Variants in AJAP1 observed in about 807,000 individuals in gnomAD.
The protein encoded by AJAP1 is adherens junctions associated protein 1.
AJAP1 carries 5 observed loss-of-function variants against 35.0 expected under a neutral mutation model. That is an observed-to-expected ratio of 0.14 (90% CI 0.07 to 0.30). AJAP1 has a LOEUF of 0.30. Ranked by LOEUF, AJAP1 falls within the 10% of genes least tolerant of loss-of-function variation. The pLI, the probability that AJAP1 is intolerant of heterozygous loss-of-function variation, is 1.00. For missense variants in AJAP1, 586 were observed against 571.0 expected (o/e 1.03, Z -0.27); for synonymous variants, 284 against 249.3 (o/e 1.14, Z -1.31).
At chr1:4,750,918 C>T (rs1359060053) in intron 2 of AJAP1, among the ~76,000 whole-genome samples, 1 of 149,800 alleles carries the variant, frequency 6.7e-6, no homozygotes, top group Non-Finnish European at 1.5e-5. Context: ...GACCTCCAAT[C>T]CCCTGACCTG....
rs1318754619 is a variant in AJAP1, at chr1:4,734,701, A to G, written c.829+22002A>G. ...GAGTGGCACCTGTGGGCGATGCTGA[A>G]TATGATGCATGATCTGTCTTTCGGG... is the stretch of plus-strand genomic sequence containing the variant. On this transcript the variant is annotated intron_variant, in intron 2 of 5. Coordinates refer to ENST00000378191, the MANE Select transcript of AJAP1 (RefSeq NM_018836.4). This position sits in a 1 kb window ranked among gnomAD's most constrained non-coding sequence, Gnocchi z 4.3. Among the ~76,000 whole-genome samples, 1 of 152,158 alleles carries G rather than the reference A, an allele frequency of 6.6e-6. No individual in the cohort carries two copies. The highest frequency in any genetic ancestry group is 1.5e-5 in the Non-Finnish European group (1 of 68,020).
rs866249572 is a variant in AJAP1 at position 4,712,749 on chromosome 1, G to A, written c.829+50G>A. On this transcript the variant is annotated intron_variant, in intron 2 of 5. Coordinates refer to ENST00000378191, the MANE Select transcript of AJAP1 (RefSeq NM_018836.4). ...GGGTTTGCTTGGGGTTGAGGGCTGG[G>A]AGCGTGACTCGGGAGAGATGCTTAG... 2.0e-5 allele frequency: 29 copies of A among 1,481,740 alleles called. No individual in the cohort carries two copies. The Middle Eastern group carries it at 2.1e-3, about 109-fold the overall frequency. The allele number at this position is 1,481,740 out of a possible 1,614,324, so 91.8% of individuals were successfully genotyped here.
chr1:4,718,581 C>T (rs539440791), intron 2 of AJAP1, among the ~76,000 whole-genome samples: 6 of 151,886 alleles, frequency 4.0e-5, no homozygotes, highest in South Asian at 4.2e-4. Flanking sequence ...CTCTCGGGTT[C>T]AAGCAATTCT....
chr1:4,663,343 ACCTC>A (rs1296406552), intron 1 of AJAP1, among the ~76,000 whole-genome samples: 4 of 43,648 alleles, frequency 9.2e-5, no homozygotes, highest in African/African-American at 3.9e-4. Flanking sequence ...TGTGGAAAGC[ACCTC>A]CAGAAAGCAC....
chr1:4,782,357 AC>A lies in AJAP1; in HGVS notation c.*60-186del, dbSNP rs972737939. Among the ~76,000 whole-genome samples the A allele has an allele frequency of 2.6e-5, 4 of 152,118 alleles. No individual in the cohort carries two copies. The highest frequency in any genetic ancestry group is 9.7e-5 in the African/African-American group (4 of 41,418). ...CCAGTGTTTCTTCCAGTTCCTGCTG[AC>A]CAGTTCTAGTGAGGCCTTGTCCACG... is the stretch of plus-strand genomic sequence containing the variant. On this transcript the variant is annotated intron_variant, in intron 5 of 5. Coordinates refer to ENST00000378191, the MANE Select transcript of AJAP1 (RefSeq NM_018836.4). The surrounding 1 kb of genome is among the most constrained non-coding windows in gnomAD (Gnocchi z 5.3).
intron 5 of AJAP1, among the ~76,000 whole-genome samples, chr1:4,775,969 G>T (rs1419034408): frequency 2.6e-5 from 4 of 152,218 alleles, no homozygotes; most frequent in African/African-American, 4.8e-5. Flanking sequence ...GCCTGGTAAA[G>T]CCTCTGTAGG....
At chr1:4,659,544 TAGAG>T (rs1263749415) in intron 1 of AJAP1, among the ~76,000 whole-genome samples, 3 of 152,134 alleles carry the variant, frequency 2.0e-5, no homozygotes, top group Non-Finnish European at 2.9e-5. Flanking sequence ...CTGCCTTGAA[TAGAG>T]AGTCAGGCTG....
At chr1:4,774,337 C>CA in intron 4 of AJAP1, 90 bp from the exon 5 acceptor site, 1 of 1,205,320 alleles carries the variant, frequency 8.3e-7, no homozygotes, top group Non-Finnish European at 1.2e-6. Flanking sequence ...CTCAAGAAGC[C>CA]AGTCCCCACC....
In AJAP1 at chr1:4,680,252, C is replaced by T. The variant is rs1639453211; in HGVS notation, c.29+24798C>T. ...CTATCCATGAACACCCTCACCCATA[C>T]ACCCAGAGTAATCTTTGACCACACA... On this transcript the variant is annotated intron_variant, in intron 1 of 5. Transcript: ENST00000378191. Among the ~76,000 whole-genome samples, 3 of 152,228 alleles carry T rather than the reference C, an allele frequency of 2.0e-5. No individual in the cohort carries two copies. In the South Asian group the frequency reaches 6.2e-4, roughly 32 times the overall value.
chr1:4,779,872 C>T (rs12033033), intron 5 of AJAP1, among the ~76,000 whole-genome samples: 18,801 of 151,974 alleles, frequency 0.12, 1,394 homozygotes, highest in East Asian at 0.37. Flanking sequence ...AGGCCAGGCA[C>T]GGTGGCTCAC....
intron 1 of AJAP1, among the ~76,000 whole-genome samples, chr1:4,701,398 T>A (rs1221125769): frequency 6.6e-6 from 1 of 152,194 alleles, no homozygotes; most frequent in Non-Finnish European, 1.5e-5. Flanking sequence ...CCGTCTCATG[T>A]CACCCCCACG....
chr1:4,780,633 C>CTTTTTTTTT (rs35738488), intron 5 of AJAP1, among the ~76,000 whole-genome samples: 1 of 131,456 alleles, frequency 7.6e-6, no homozygotes, highest in Admixed American at 8.0e-5. Context: ...TTCTTTCTTT[C>CTTTTTTTTT]TTTTTTTTTT....
At chr1:4,703,588 A>AT (rs1640035480) in intron 1 of AJAP1, among the ~76,000 whole-genome samples, 1 of 152,196 alleles carries the variant, frequency 6.6e-6, no homozygotes, top group Non-Finnish European at 1.5e-5. Flanking sequence ...GAAATCTCGC[A>AT]TCCCACCTAA....
chr1:4,713,054 T>C (rs1347399584), intron 2 of AJAP1, among the ~76,000 whole-genome samples: 1 of 152,060 alleles, frequency 6.6e-6, no homozygotes, highest in Non-Finnish European at 1.5e-5. Flanking sequence ...GAGAATTTTG[T>C]CTCTGGGGCC....
At chr1:4,713,530 C>T (rs1272077081) in intron 2 of AJAP1, among the ~76,000 whole-genome samples, 2 of 152,238 alleles carry the variant, frequency 1.3e-5, no homozygotes, top group African/African-American at 4.8e-5. Context: ...GGAAATCTCC[C>T]AAGCCAGGGC....
chr1:4,748,531 T>C (rs1641246503), intron 2 of AJAP1, among the ~76,000 whole-genome samples: 1 of 152,060 alleles, frequency 6.6e-6, no homozygotes, highest in Non-Finnish European at 1.5e-5. Context: ...ACAGATCACC[T>C]GAGGTCAGGA....
intron 2 of AJAP1, among the ~76,000 whole-genome samples, chr1:4,751,097 C>T: frequency 6.6e-6 from 1 of 151,980 alleles, no homozygotes; most frequent in South Asian, 2.1e-4. Flanking sequence ...ACCCCCAGTG[C>T]CTCTCGCTCC....
intron 1 of AJAP1, among the ~76,000 whole-genome samples, chr1:4,687,914 C>G (rs2100220112): frequency 6.6e-6 from 1 of 152,328 alleles, no homozygotes. Context: ...ACACAGGAGG[C>G]CAACGATGAA....
intron 1 of AJAP1, among the ~76,000 whole-genome samples, chr1:4,684,253 T>C (rs1221849870): frequency 1.3e-5 from 2 of 152,152 alleles, no homozygotes; most frequent in Admixed American, 6.5e-5. Context: ...TTTTACTCGG[T>C]GGAAACCATG....
Sources: allele counts gnomAD v4.1 joint callset (sites outside exome capture counted in the v4.1 genomes callset), GRCh38; gene constraint gnomAD v4.1.1; non-coding constraint Gnocchi (gnomAD v3.1); transcripts MANE v1.5; gene names NCBI Gene and HGNC (gene_info 2026-07-23, HGNC 2026-07-21).